The following ACACA variants were observed in gnomAD, a reference collection of about 807,000 sequenced individuals.
The protein encoded by ACACA is acetyl-CoA carboxylase alpha, also known as acetyl-CoA carboxylase 1.
In ACACA, 103 loss-of-function variants were observed where a neutral mutation model predicts 296.1. The observed-to-expected ratio is 0.35, with a 90% confidence interval of 0.30 to 0.41. The LOEUF (loss-of-function observed/expected upper bound fraction) is 0.41, where lower values mean the gene tolerates loss of function less well. ACACA is among the 10% of genes least tolerant of loss of function. The pLI is 1.00. For missense variants in ACACA, 1,554 were observed against 2,989.7 expected (o/e 0.52, Z 11.20); for synonymous variants, 953 against 1,038.6 (o/e 0.92, Z 1.58).
At chr17:37,216,211 T>TGC (rs2078992033) in intron 29 of ACACA, among the ~76,000 whole-genome samples, 1 of 138,682 alleles carries the variant, frequency 7.2e-6, no homozygotes, top group Admixed American at 6.9e-5. Flanking sequence ...TGTGTGTGTA[T>TGC]ATATATATAT....
chr17:37,165,693 G>A (rs1294489386), intron 41 of ACACA, among the ~76,000 whole-genome samples: 1 of 68,048 alleles, frequency 1.5e-5, no homozygotes. Flanking sequence ...TTTTTTTTTT[G>A]AGACAGAGTC....
At chr17:37,275,885 G>GT in intron 8 of ACACA, 66 bp downstream of exon 8, 1 of 1,350,938 alleles carries the variant, frequency 7.4e-7, no homozygotes. Flanking sequence ...TTCAAAAGAG[G>GT]TAAGTCCCAA....
intron 1 of ACACA, among the ~76,000 whole-genome samples, chr17:37,357,041 C>A (rs1253114094): frequency 6.6e-6 from 1 of 152,144 alleles, no homozygotes; most frequent in Non-Finnish European, 1.5e-5. Context: ...GATGAGAGAG[C>A]GTTCTCTGAG....
rs2072190997 is a variant in ACACA at position 37,086,287 on chromosome 17, T to G, written c.*1029A>C. On this transcript the variant is annotated 3_prime_UTR_variant, in exon 56 of 56. Transcript: ENST00000616317. ...GCTGCTAGGACAGTAATCCTGGAACTAGGGAAGAGTGAGTGTGGAGGCACC... is the reference window on the plus strand; with the variant it reads ...GCTGCTAGGACAGTAATCCTGGAACGAGGGAAGAGTGAGTGTGGAGGCACC... The G allele has an allele frequency of 6.5e-6, 1 of 153,384 alleles. No homozygotes were observed. Among genetic ancestry groups the G allele is most frequent in the African/African-American group, 2.4e-5 (1 of 41,486 alleles). The allele number at this position is 153,384 out of a possible 1,614,324, so 9.5% of individuals were successfully genotyped here.
At chr17:37,193,129 G>A (rs17848773) in intron 36 of ACACA, among the ~76,000 whole-genome samples, 3,828 of 152,200 alleles carry the variant, frequency 0.025, 84 homozygotes, top group African/African-American at 0.055. Context: ...CATTCTACAG[G>A]ACAAGGATGA....
intron 2 of ACACA, among the ~76,000 whole-genome samples, chr17:37,335,613 CAA>C (rs1326304141): frequency 6.6e-6 from 1 of 152,166 alleles, no homozygotes; most frequent in Non-Finnish European, 1.5e-5. Context: ...AGCCCCGCAA[CAA>C]AAGAGTACCC....
intron 1 of ACACA, among the ~76,000 whole-genome samples, chr17:37,366,361 C>T (rs890014167): frequency 6.6e-6 from 1 of 152,052 alleles, no homozygotes; most frequent in African/African-American, 2.4e-5. Context: ...GAGCCTTTAT[C>T]GTCAAGAAAA....
chr17:37,108,492 G>A (rs960025969), intron 52 of ACACA, among the ~76,000 whole-genome samples: 4 of 151,688 alleles, frequency 2.6e-5, no homozygotes, highest in Non-Finnish European at 4.4e-5. Context: ...AGGTTCAAGC[G>A]ATTCTCCTGC....
At chr17:37,277,510 T>A (rs1449028928) in intron 6 of ACACA, among the ~76,000 whole-genome samples, 2 of 152,206 alleles carry the variant, frequency 1.3e-5, no homozygotes, top group African/African-American at 4.8e-5. Context: ...AGTTTTTTCC[T>A]CTTTGGGCTT....
chr17:37,367,937 C>T (rs1158862980), intron 1 of ACACA, among the ~76,000 whole-genome samples: 1 of 152,036 alleles, frequency 6.6e-6, no homozygotes, highest in East Asian at 1.9e-4. Context: ...TGTGGTGGCA[C>T]ACACCTATAG....
intron 1 of ACACA, among the ~76,000 whole-genome samples, chr17:37,398,229 CA>C (rs35921490): frequency 0.25 from 15,967 of 64,878 alleles, 913 homozygotes; most frequent in East Asian, 0.53. Context: ...GACTCTGTCT[CA>C]AAAAAAAAAA....
At chr17:37,295,280 AAG>A (rs747344705) in intron 3 of ACACA, among the ~76,000 whole-genome samples, 1 of 152,062 alleles carries the variant, frequency 6.6e-6, no homozygotes, top group Non-Finnish European at 1.5e-5. Context: ...TGGAAAGGAA[AAG>A]AGAGAGAGAG....
intron 52 of ACACA, among the ~76,000 whole-genome samples, chr17:37,108,389 GA>G (rs2073804163): frequency 6.7e-6 from 1 of 150,252 alleles, no homozygotes; most frequent in Non-Finnish European, 1.5e-5. Flanking sequence ...TAGCAATTAT[GA>G]TTTTTTTTTT....
At chr17:37,350,428 G>A (rs2048847092) in intron 1 of ACACA, among the ~76,000 whole-genome samples, 1 of 152,106 alleles carries the variant, frequency 6.6e-6, no homozygotes, top group African/African-American at 2.4e-5. Flanking sequence ...CCTTAGGTGG[G>A]AAGATCACCT....
intron 5 of ACACA, among the ~76,000 whole-genome samples, chr17:37,278,950 G>A (rs965689304): frequency 2.6e-5 from 4 of 152,090 alleles, no homozygotes; most frequent in Non-Finnish European, 4.4e-5. Context: ...GTGCCATGGT[G>A]GTTTGCTGTA....
chr17:37,354,807 T>C (rs1175406427), intron 1 of ACACA, among the ~76,000 whole-genome samples: 1 of 152,070 alleles, frequency 6.6e-6, no homozygotes, highest in African/African-American at 2.4e-5. Context: ...GGTGTACACC[T>C]GCAGTCCCAG....
At chr17:37,278,085 G>T in intron 5 of ACACA, 80 bp from the exon 6 acceptor site, 2 of 1,044,240 alleles carry the variant, frequency 1.9e-6, no homozygotes, top group Non-Finnish European at 1.5e-6. Context: ...CTACGTAAAG[G>T]TCAGGGACTA....
intron 47 of ACACA, among the ~76,000 whole-genome samples, chr17:37,126,885 T>C (rs948204003): frequency 1.3e-5 from 2 of 152,184 alleles, no homozygotes; most frequent in Non-Finnish European, 1.5e-5. Context: ...TTGAAGAATA[T>C]CACAGCACTA....
chr17:37,338,223 T>A (rs2048219505), intron 2 of ACACA, among the ~76,000 whole-genome samples: 1 of 140,606 alleles, frequency 7.1e-6, no homozygotes, highest in South Asian at 2.2e-4. Flanking sequence ...CGAGACTCCG[T>A]CTCAAAAAAA....
Sources: allele counts gnomAD v4.1 joint callset (sites outside exome capture counted in the v4.1 genomes callset), GRCh38; gene constraint gnomAD v4.1.1; transcripts MANE v1.5; gene names NCBI Gene and HGNC (gene_info 2026-07-23, HGNC 2026-07-21).